Variants in CNTNAP2 observed in about 807,000 individuals in gnomAD.
CNTNAP2 encodes the protein contactin associated protein 2.
A neutral mutation model predicts 155.2 loss-of-function variants in CNTNAP2; 98 were observed. The ratio of observed to expected loss-of-function variants is 0.63; its 90% CI spans 0.54 to 0.75. CNTNAP2 has a LOEUF of 0.75. CNTNAP2 is among the 30% of genes least tolerant of loss of function. The pLI is 0.00. For missense variants in CNTNAP2, 1,727 were observed against 1,688.1 expected (o/e 1.02, Z -0.40); for synonymous variants, 651 against 631.2 (o/e 1.03, Z -0.47).
chr7:147,842,557 C>CTTTT (rs1171642244), intron 13 of CNTNAP2, among the ~76,000 whole-genome samples: 1,655 of 87,182 alleles, frequency 0.019, 25 homozygotes, highest in Non-Finnish European at 0.034. Context: ...AGTTGCATTT[C>CTTTT]TTTTTTTTTT....
intron 3 of CNTNAP2, among the ~76,000 whole-genome samples, chr7:146,916,731 A>G (rs1796402363): frequency 6.6e-6 from 1 of 152,010 alleles, no homozygotes; most frequent in African/African-American, 2.4e-5. Context: ...AATCTCACTA[A>G]TAGTCTAGAA....
chr7:147,708,192 C>G (rs1377947968), intron 13 of CNTNAP2, among the ~76,000 whole-genome samples: 1 of 152,156 alleles, frequency 6.6e-6, no homozygotes, highest in East Asian at 1.9e-4. Context: ...AGGGAACACA[C>G]ATTTTCTTCA....
chr7:146,977,915 C>T (rs1797943261), intron 3 of CNTNAP2, among the ~76,000 whole-genome samples: 1 of 151,982 alleles, frequency 6.6e-6, no homozygotes, highest in Non-Finnish European at 1.5e-5. Context: ...TGGTACCACA[C>T]ACATTTGGCT....
chr7:147,879,680 A>C (rs994522594), intron 13 of CNTNAP2, among the ~76,000 whole-genome samples: 1 of 152,198 alleles, frequency 6.6e-6, no homozygotes, highest in Non-Finnish European at 1.5e-5. Flanking sequence ...CCACATCTGC[A>C]TGAAATTGTG....
At chr7:146,717,384 G>A (rs1324572443) in intron 1 of CNTNAP2, among the ~76,000 whole-genome samples, 1 of 151,284 alleles carries the variant, frequency 6.6e-6, no homozygotes, top group African/African-American at 2.4e-5. Flanking sequence ...GTGGTGGTGG[G>A]TGCCTGTAAT....
At chr7:146,967,534 A>G (rs1006156132) in intron 3 of CNTNAP2, among the ~76,000 whole-genome samples, 8 of 152,108 alleles carry the variant, frequency 5.3e-5, no homozygotes, top group African/African-American at 1.4e-4. Flanking sequence ...CATCCCTTGT[A>G]AGTTGGATTC....
intron 15 of CNTNAP2, among the ~76,000 whole-genome samples, chr7:148,022,561 C>A (rs1802302059): frequency 6.6e-6 from 1 of 152,062 alleles, no homozygotes; most frequent in African/African-American, 2.4e-5. Context: ...TCTTAGTGAC[C>A]ATGGCTATGG....
chr7:146,869,987 T>C (rs1431009815), intron 3 of CNTNAP2, among the ~76,000 whole-genome samples: 1 of 152,152 alleles, frequency 6.6e-6, no homozygotes, highest in Non-Finnish European at 1.5e-5. Flanking sequence ...AATTTGCAAG[T>C]ATTTTTGCTG....
At chr7:147,757,491 AACCT>A (rs1346914863) in intron 13 of CNTNAP2, among the ~76,000 whole-genome samples, 2 of 152,106 alleles carry the variant, frequency 1.3e-5, no homozygotes, top group Non-Finnish European at 2.9e-5. Flanking sequence ...GCCTGTCCTA[AACCT>A]GTAAGACTTG....
intron 1 of CNTNAP2, among the ~76,000 whole-genome samples, chr7:146,246,274 A>G (rs1464117358): frequency 6.0e-5 from 9 of 150,780 alleles, no homozygotes; most frequent in Admixed American, 2.6e-4. Flanking sequence ...GAGGCTTTGG[A>G]TTGGGAAGAA....
intron 5 of CNTNAP2, among the ~76,000 whole-genome samples, chr7:147,113,922 G>A (rs1355233287): frequency 6.6e-6 from 1 of 152,082 alleles, no homozygotes; most frequent in African/African-American, 2.4e-5. Flanking sequence ...CTAACTTGAG[G>A]TACTTCTAGC....
intron 20 of CNTNAP2, among the ~76,000 whole-genome samples, chr7:148,239,002 A>T (rs1040720272): frequency 6.6e-6 from 1 of 152,112 alleles, no homozygotes; most frequent in African/African-American, 2.4e-5. Context: ...TAGGGATGTC[A>T]GAACAAATAA....
intron 1 of CNTNAP2, among the ~76,000 whole-genome samples, chr7:146,464,604 TCTC>T (rs1285415233): frequency 2.0e-5 from 3 of 151,994 alleles, no homozygotes; most frequent in African/African-American, 4.8e-5. Flanking sequence ...TCCTCCTCCT[TCTC>T]CTCCTCCAAT....
intron 1 of CNTNAP2, among the ~76,000 whole-genome samples, chr7:146,519,678 G>A (rs1797590108): frequency 6.6e-6 from 1 of 151,778 alleles, no homozygotes; most frequent in Non-Finnish European, 1.5e-5. Flanking sequence ...CTGGAAATAT[G>A]GTAAAGACAA....
intron 1 of CNTNAP2, among the ~76,000 whole-genome samples, chr7:146,413,937 G>A (rs1309030858): frequency 2.0e-5 from 3 of 152,032 alleles, no homozygotes; most frequent in Non-Finnish European, 4.4e-5. Flanking sequence ...GAGTATTAAC[G>A]ACCTTATAGA....
chr7:146,168,426 C>T (rs1798343681), intron 1 of CNTNAP2, among the ~76,000 whole-genome samples: 4 of 152,034 alleles, frequency 2.6e-5, no homozygotes, highest in Admixed American at 1.3e-4. Context: ...TCATACATTC[C>T]CTATCCTACA....
chr7:148,219,231 C>T (rs1285752413), intron 19 of CNTNAP2, among the ~76,000 whole-genome samples: 1 of 152,088 alleles, frequency 6.6e-6, no homozygotes, highest in Non-Finnish European at 1.5e-5. Context: ...TGAACCACTG[C>T]GTCAGCCCTA....
chr7:147,919,032 T>G (rs2538957), intron 14 of CNTNAP2, among the ~76,000 whole-genome samples: 2 of 151,954 alleles, frequency 1.3e-5, no homozygotes, highest in African/African-American at 4.8e-5. Flanking sequence ...GACCCTTTCC[T>G]GGCTGTGATC....
intron 13 of CNTNAP2, among the ~76,000 whole-genome samples, chr7:147,779,961 G>C (rs1348175624): frequency 2.0e-5 from 3 of 152,190 alleles, no homozygotes; most frequent in African/African-American, 7.2e-5. Flanking sequence ...ATGAGACTAG[G>C]TAGAGTGATT....
Sources: gnomAD v4.1 joint callset for allele counts (sites outside exome capture counted in the v4.1 genomes callset) on GRCh38, gnomAD v4.1.1 for gene constraint, MANE v1.5 for transcripts, NCBI Gene and HGNC (gene_info 2026-07-23, HGNC 2026-07-21) for gene names.